HIVEP3: variants seen among roughly 807,000 people sequenced by gnomAD.
The protein encoded by HIVEP3 is HIVEP zinc finger 3.
A neutral mutation model predicts 152.8 loss-of-function variants in HIVEP3; 49 were observed. The ratio of observed to expected loss-of-function variants is 0.32; its 90% confidence interval spans 0.26 to 0.41. The LOEUF (loss-of-function observed/expected upper bound fraction) is 0.41. HIVEP3 is among the 10% of genes least tolerant of loss of function. The probability of loss-of-function intolerance (pLI) is 1.00; values close to 1 mark genes in which losing one functional copy is unlikely to be tolerated. For missense variants in HIVEP3, 2,790 were observed against 3,103.3 expected, an observed-to-expected ratio of 0.90 and a Z score of 2.40; for synonymous variants, 1,269 against 1,289.0, an observed-to-expected ratio of 0.98 and a Z score of 0.33.
chr1:41,997,442 C>A (rs374512317), intron 1 of HIVEP3, among the ~76,000 whole-genome samples: 2 of 152,208 alleles, frequency 1.3e-5, no homozygotes, highest in African/African-American at 4.8e-5. Context: ...GCAAAAGATA[C>A]GCCATGCAGT....
At chr1:41,528,193 A>C (rs1191701641) in intron 5 of HIVEP3, among the ~76,000 whole-genome samples, 4 of 78,464 alleles carry the variant, frequency 5.1e-5, no homozygotes, top group African/African-American at 5.3e-5. Flanking sequence ...CCTCACCTTC[A>C]CACACCCCTG....
chr1:41,777,804 T>A (rs1193964941), intron 1 of HIVEP3, among the ~76,000 whole-genome samples: 1 of 152,206 alleles, frequency 6.6e-6, no homozygotes, highest in Non-Finnish European at 1.5e-5. Context: ...ATGCATTTAA[T>A]CCGCACAGTA....
chr1:41,545,707 C>T (rs1418769239), intron 5 of HIVEP3, among the ~76,000 whole-genome samples: 27 of 142,856 alleles, frequency 1.9e-4, no homozygotes, highest in Non-Finnish European at 3.5e-4. Context: ...ACCACCACCA[C>T]CACCACCACC....
chr1:41,707,042 C>T (rs1187369629), intron 1 of HIVEP3, among the ~76,000 whole-genome samples: 1 of 152,134 alleles, frequency 6.6e-6, no homozygotes, highest in Non-Finnish European at 1.5e-5. Flanking sequence ...TTGAAAATAA[C>T]CCTTAAATTG....
chr1:41,681,339 C>T (rs1005521478), intron 2 of HIVEP3, among the ~76,000 whole-genome samples: 2 of 152,182 alleles, frequency 1.3e-5, no homozygotes, highest in African/African-American at 4.8e-5. Flanking sequence ...AGTAATCCTC[C>T]CGTCTTAGCC....
At chr1:41,888,800 C>T (rs949508539) in intron 1 of HIVEP3, among the ~76,000 whole-genome samples, 5 of 134,932 alleles carry the variant, frequency 3.7e-5, no homozygotes, top group African/African-American at 5.6e-5. Context: ...ACATACCAAA[C>T]ACACACACAC....
intron 2 of HIVEP3, among the ~76,000 whole-genome samples, chr1:41,648,628 C>T (rs1255197598): frequency 1.3e-5 from 2 of 152,192 alleles, no homozygotes; most frequent in African/African-American, 2.4e-5. Flanking sequence ...GGGATTTGGC[C>T]TAAGATTTTA....
At position 41,620,188 on chromosome 1, in the gene HIVEP3, G is replaced by A. The variant is rs530855555; in HGVS notation, c.-522+8561C>T. 1.3e-3 allele frequency among the ~76,000 whole-genome samples: 197 copies of A among 152,330 alleles called. 2 individuals are homozygous for A. Among genetic ancestry groups the A allele is most frequent in the Non-Finnish European group, 1.8e-4 (12 of 68,030 alleles). ...GAACAGAGGCAAGACAGCAGGGCTT[G>A]TCCTGACAGGTGGCACAGGTGGGTC... On this transcript the variant is annotated intron_variant, in intron 3 of 8. Coordinates refer to ENST00000372583, the MANE Select transcript of HIVEP3 (RefSeq NM_024503.5).
At chr1:41,527,864 C>T (rs1177040365) in intron 5 of HIVEP3, among the ~76,000 whole-genome samples, 2 of 148,020 alleles carry the variant, frequency 1.4e-5, no homozygotes, top group Non-Finnish European at 3.0e-5. Flanking sequence ...CCCTCACACC[C>T]CTGTCGTCAC....
rs149156047 is a variant in HIVEP3, at chr1:41,670,452, G to T, written c.-721+30464C>A. On this transcript the variant is annotated intron_variant, in intron 2 of 8. Transcript: ENST00000372583. Reference sequence around the variant, plus strand: ...TGAATTCATGCACTCTGTAACACATGTTCAGCCACTATTGGCTGGGCCCTG... The same window carrying T: ...TGAATTCATGCACTCTGTAACACATTTTCAGCCACTATTGGCTGGGCCCTG... 1.1e-3 allele frequency among the ~76,000 whole-genome samples: 165 copies of T among 152,278 alleles called. 1 individual carries two copies. Among genetic ancestry groups the T allele is most frequent in the African/African-American group, 3.7e-3 (153 of 41,556 alleles).
At chr1:41,650,322 G>A (rs368718778) in intron 2 of HIVEP3, among the ~76,000 whole-genome samples, 3 of 152,184 alleles carry the variant, frequency 2.0e-5, no homozygotes, top group African/African-American at 4.8e-5. Context: ...GCACCATTGC[G>A]TGCTTACTGA....
At chr1:41,714,410 C>T (rs762446796) in intron 1 of HIVEP3, among the ~76,000 whole-genome samples, 3 of 152,156 alleles carry the variant, frequency 2.0e-5, no homozygotes, top group Non-Finnish European at 4.4e-5. Flanking sequence ...TTAAGACTCA[C>T]TGAAATCTAT....
chr1:41,788,717 G>A (rs774706557), intron 1 of HIVEP3, among the ~76,000 whole-genome samples: 3 of 152,240 alleles, frequency 2.0e-5, no homozygotes, highest in Non-Finnish European at 2.9e-5. Flanking sequence ...AGAAAGCTGG[G>A]AATGGTAAAT....
At chr1:42,003,962 A>G (rs1456096076) in intron 1 of HIVEP3, among the ~76,000 whole-genome samples, 1 of 152,198 alleles carries the variant, frequency 6.6e-6, no homozygotes, top group African/African-American at 2.4e-5. Context: ...AAATCAATGC[A>G]AATGTCTCAG....
At chr1:41,907,087 G>T (rs1383357297) in intron 1 of HIVEP3, among the ~76,000 whole-genome samples, 1 of 152,092 alleles carries the variant, frequency 6.6e-6, no homozygotes, top group Non-Finnish European at 1.5e-5. Context: ...GGCTCTCATT[G>T]GACCCCTCTG....
intron 2 of HIVEP3, among the ~76,000 whole-genome samples, chr1:41,629,818 C>T (rs1029808176): frequency 1.3e-5 from 2 of 152,178 alleles, no homozygotes; most frequent in Admixed American, 6.5e-5. Flanking sequence ...TGCTTATACG[C>T]GGTTGGCAGG....
chr1:41,605,379 A>G (rs12747211), intron 3 of HIVEP3, among the ~76,000 whole-genome samples: 1,694 of 136,760 alleles, frequency 0.012, 22 homozygotes, highest in African/African-American at 0.036. Context: ...ACACGCGCAC[A>G]CACACACACA....
At chr1:41,546,884 A>C (rs1643815636) in intron 5 of HIVEP3, among the ~76,000 whole-genome samples, 1 of 152,242 alleles carries the variant, frequency 6.6e-6, no homozygotes, top group African/African-American at 2.4e-5. Context: ...CAGAGAAGCC[A>C]TCAGCCAGGA....
At chr1:41,691,168 A>G (rs1646192374) in intron 2 of HIVEP3, among the ~76,000 whole-genome samples, 1 of 152,256 alleles carries the variant, frequency 6.6e-6, no homozygotes, top group Admixed American at 6.5e-5. Context: ...GCAATACATA[A>G]AAGTGTTAAC....
Sources: allele counts gnomAD v4.1 joint callset (sites outside exome capture counted in the v4.1 genomes callset), GRCh38; gene constraint gnomAD v4.1.1; transcripts MANE v1.5; gene names NCBI Gene and HGNC (gene_info 2026-07-23, HGNC 2026-07-21).